ATXN10: variants seen among roughly 807,000 people sequenced by gnomAD.
ATXN10 encodes the protein ataxin 10.
A neutral mutation model predicts 52.9 loss-of-function variants in ATXN10; 28 were observed. The observed-to-expected ratio is 0.53, with a 90% CI of 0.39 to 0.73. ATXN10 has a LOEUF of 0.73. Among genes scored for constraint, ATXN10 ranks in the 30% least tolerant of loss-of-function variants. The pLI, the probability that ATXN10 is intolerant of heterozygous loss-of-function variation, is 0.00. For missense variants in ATXN10, 565 were observed against 577.0 expected (o/e 0.98, Z 0.21); for synonymous variants, 226 against 221.5 (o/e 1.02, Z -0.18).
intron 9 of ATXN10, among the ~76,000 whole-genome samples, chr22:45,778,702 G>A (rs917638264): frequency 6.6e-6 from 1 of 152,164 alleles, no homozygotes; most frequent in Non-Finnish European, 1.5e-5. Context: ...ATAAAATCGT[G>A]TCACTGAGTT....
intron 9 of ATXN10, among the ~76,000 whole-genome samples, chr22:45,788,986 AC>A (rs1477407572): frequency 2.0e-5 from 3 of 152,010 alleles, no homozygotes; most frequent in African/African-American, 7.3e-5. Flanking sequence ...CAGGACCGTC[AC>A]CCCCAAGATA....
At position 45,784,743 on chromosome 22, in the gene ATXN10, G is replaced by C. The variant is rs1198236272; in HGVS notation, c.1174-22216G>C. Among the ~76,000 whole-genome samples, 5 of 152,236 alleles carry C rather than the reference G, an allele frequency of 3.3e-5. No homozygotes were observed. The highest frequency in any genetic ancestry group is 1.2e-4 in the African/African-American group (5 of 41,466). Reference sequence around the variant, plus strand: ...TCATTCTGAGGGCTGCTGTGTGGCAGATTCCCAGCACGGGCTGGACACTTG... The same window carrying C: ...TCATTCTGAGGGCTGCTGTGTGGCACATTCCCAGCACGGGCTGGACACTTG... On this transcript the variant is annotated intron_variant, in intron 9 of 11. Transcript: ENST00000252934. The surrounding 1 kb of genome is among the most constrained non-coding windows in gnomAD (Gnocchi z 4.2).
At chr22:45,703,623 T>C (rs145593246) in intron 5 of ATXN10, among the ~76,000 whole-genome samples, 8 of 152,298 alleles carry the variant, frequency 5.3e-5, no homozygotes, top group African/African-American at 1.9e-4. Flanking sequence ...CAATCTACTT[T>C]TAGGTTTAGA....
Position 45,740,754 on chromosome 22 carries a change from G to GTGTA in ATXN10, c.1173+217_1173+218insGTAT, listed in dbSNP as rs1555891831. ...CACACACACACGTGTGTGTGTGTGTGTATATATATATATGTATATGTTAAT... is the reference window on the plus strand; with the variant it reads ...CACACACACACGTGTGTGTGTGTGTGTGTATATATATATATATGTATATGTTAAT... On this transcript the variant is annotated intron_variant, in intron 9 of 11. Coordinates refer to ENST00000252934, the MANE Select transcript of ATXN10 (RefSeq NM_013236.4). The GTGTA allele has an allele frequency of 3.9e-4, 111 of 286,182 alleles. 2 individuals carry two copies. Among genetic ancestry groups the GTGTA allele is most frequent in the Admixed American group, 5.4e-4 (11 of 20,544 alleles). The allele number at this position is 286,182 out of a possible 1,614,324, so 17.7% of individuals were successfully genotyped here. A position where few individuals can be genotyped will look rare whatever the true frequency, so the allele number is the denominator to read the frequency against.
Position 45,828,026 on chromosome 22 carries a change from C to T in ATXN10, c.1238-14965C>T, listed in dbSNP as rs905660825. Among the ~76,000 whole-genome samples, 11 of 152,010 alleles carry T rather than the reference C, an allele frequency of 7.2e-5. No individual in the cohort carries two copies. The highest frequency in any genetic ancestry group is 2.7e-4 in the African/African-American group (11 of 41,462). On this transcript the variant is annotated intron_variant, in intron 10 of 11. Transcript: ENST00000252934. This position sits in a 1 kb window ranked among gnomAD's most constrained non-coding sequence, Gnocchi z 4.5. ...AAAAACATACTGTTAACCAGTAGAT[C>T]AAAGAAGAAATCACAAGGGAAATTA... is the stretch of plus-strand genomic sequence containing the variant.
intron 10 of ATXN10, among the ~76,000 whole-genome samples, chr22:45,814,777 G>T (rs1420214902): frequency 6.6e-6 from 1 of 152,086 alleles, no homozygotes. Flanking sequence ...GTGAGCATCA[G>T]TCACCACCTG....
chr22:45,834,658 A>C (rs556350982), intron 10 of ATXN10, among the ~76,000 whole-genome samples: 9 of 152,336 alleles, frequency 5.9e-5, no homozygotes, highest in African/African-American at 9.6e-5. Context: ...AAGTAGATCA[A>C]ATCCAGGCAC....
intron 9 of ATXN10, among the ~76,000 whole-genome samples, chr22:45,778,525 G>A (rs1226844063): frequency 6.6e-6 from 1 of 152,212 alleles, no homozygotes; most frequent in Non-Finnish European, 1.5e-5. Context: ...GTAAAACAAA[G>A]TAGAACCTCT....
Position 45,715,735 on chromosome 22 carries a change from C to T in ATXN10, c.648-2678C>T, listed in dbSNP as rs968298437. Among the ~76,000 whole-genome samples, 1 of 152,214 alleles carries T rather than the reference C, an allele frequency of 6.6e-6. No homozygotes were observed. The highest frequency in any genetic ancestry group is 1.5e-5 in the Non-Finnish European group (1 of 68,042). On this transcript the variant is annotated intron_variant, in intron 5 of 11. Transcript: ENST00000252934. The surrounding 1 kb of genome is among the most constrained non-coding windows in gnomAD (Gnocchi z 4.4). ...CCTTAGTACTTCCAAACTCCACTTT[C>T]TTTTCACCTGCATGTGTCATGTTCA... is the stretch of plus-strand genomic sequence containing the variant.
intron 3 of ATXN10, among the ~76,000 whole-genome samples, chr22:45,700,001 G>A (rs1923777407): frequency 1.3e-5 from 2 of 151,820 alleles, no homozygotes; most frequent in South Asian, 4.2e-4. Context: ...TAGTAGAGAT[G>A]GGGTTTTGAC....
At chr22:45,691,922 T>A (rs1923396557) in intron 2 of ATXN10, among the ~76,000 whole-genome samples, 1 of 152,154 alleles carries the variant, frequency 6.6e-6, no homozygotes, top group Admixed American at 6.5e-5. Flanking sequence ...ACCCTTGCTG[T>A]CCTGAGCCTT....
rs1214576916 is a variant in ATXN10, at chr22:45,819,681, CCTGTGGTCTGTGCTTG to C, written c.1237+12660_1237+12675del. On this transcript the variant is annotated intron_variant, in intron 10 of 11. Transcript: ENST00000252934. This position sits in a 1 kb window ranked among gnomAD's most constrained non-coding sequence, Gnocchi z 4.5. ...ATGAAGTGCTGAGATGAGTTCTTGG[CCTGTGGTCTGTGCTTG>C]TATACATTATTATTATCATTTAATG... Among the ~76,000 whole-genome samples the C allele has an allele frequency of 6.6e-6, 1 of 152,102 alleles. No individual in the cohort carries two copies. The highest frequency in any genetic ancestry group is 1.5e-5 in the Non-Finnish European group (1 of 68,026).
intron 9 of ATXN10, among the ~76,000 whole-genome samples, chr22:45,758,230 T>C (rs903419155): frequency 3.3e-5 from 5 of 152,222 alleles, no homozygotes; most frequent in Non-Finnish European, 7.3e-5. Flanking sequence ...ACAGTCTCCC[T>C]GCAGGGTTGT....
chr22:45,731,960 G>T (rs1925105175), intron 7 of ATXN10, among the ~76,000 whole-genome samples: 1 of 152,176 alleles, frequency 6.6e-6, no homozygotes, highest in Non-Finnish European at 1.5e-5. Flanking sequence ...CTTAAGAAAA[G>T]TTTTAAAAAT....
In ATXN10 at chr22:45,781,167, T is replaced by A. The variant is rs9626442; in HGVS notation, c.1174-25792T>A. Among the ~76,000 whole-genome samples the A allele has an allele frequency of 0.018, 2,692 of 152,272 alleles. 48 individuals carry two copies. The highest frequency in any genetic ancestry group is 0.041 in the African/African-American group (1,715 of 41,538). ...GAATGTGGCCCCAGCCCACCAACAA[T>A]GGCTGAATGGGGAGCCGAAACAGAA... On this transcript the variant is annotated intron_variant, in intron 9 of 11. Coordinates refer to ENST00000252934, the MANE Select transcript of ATXN10 (RefSeq NM_013236.4). This position sits in a 1 kb window ranked among gnomAD's most constrained non-coding sequence, Gnocchi z 4.2.
chr22:45,801,157 C>G (rs537718357), intron 9 of ATXN10, among the ~76,000 whole-genome samples: 70 of 152,298 alleles, frequency 4.6e-4, no homozygotes, highest in African/African-American at 1.6e-3. Flanking sequence ...TTGGGGAGAT[C>G]AGGCGTTTTC....
At position 45,813,788 on chromosome 22, in the gene ATXN10, G is replaced by A. The variant is rs138204938; in HGVS notation, c.1237+6766G>A. The stretch of plus-strand genomic sequence containing the variant: ...AGAAATAGTTTCTCAACAAATAAGT[G>A]TTTTTGTACAAATATCCTATGTAGC... On this transcript the variant is annotated intron_variant, in intron 10 of 11. Coordinates refer to ENST00000252934, the MANE Select transcript of ATXN10 (RefSeq NM_013236.4). Among the ~76,000 whole-genome samples the A allele has an allele frequency of 3.3e-3, 499 of 152,254 alleles. 2 individuals carry two copies. Among genetic ancestry groups the A allele is most frequent in the Middle Eastern group, 0.01 (3 of 294 alleles).
At chr22:45,768,050 C>T (rs986539736) in intron 9 of ATXN10, among the ~76,000 whole-genome samples, 1 of 152,012 alleles carries the variant, frequency 6.6e-6, no homozygotes, top group African/African-American at 2.4e-5. Flanking sequence ...AGTTTAAAAC[C>T]CTTAAAGTTT....
chr22:45,785,023 A>G (rs1414561466), intron 9 of ATXN10, among the ~76,000 whole-genome samples: 2 of 152,248 alleles, frequency 1.3e-5, no homozygotes, highest in African/African-American at 2.4e-5. Flanking sequence ...GGCAGAATGC[A>G]TATTTTTAAA....
Sources: allele counts gnomAD v4.1 joint callset (sites outside exome capture counted in the v4.1 genomes callset), GRCh38; gene constraint gnomAD v4.1.1; non-coding constraint Gnocchi (gnomAD v3.1); transcripts MANE v1.5; gene names NCBI Gene and HGNC (gene_info 2026-07-23, HGNC 2026-07-21).